GOLGA3: variants seen among roughly 807,000 people sequenced by gnomAD.
GOLGA3 encodes the protein golgin A3.
GOLGA3 carries 75 observed loss-of-function variants against 169.4 expected under a neutral mutation model. The ratio of observed to expected loss-of-function variants is 0.44; its 90% confidence interval spans 0.37 to 0.54. GOLGA3 has a LOEUF of 0.54. GOLGA3 is among the 20% of genes least tolerant of loss of function. The pLI is 0.00. For synonymous variants in GOLGA3, 824 were observed against 822.4 expected (o/e 1.00, Z -0.03); for missense variants, 1,899 against 1,930.0 (o/e 0.98, Z 0.30).
chr12:132,801,891 C>G lies in GOLGA3; in HGVS notation c.1676G>C (p.Ser559Thr). ...CTCCGCCTGCGACGCCTTCAGCTTG[C>G]TGGTCAGCGTCGTCCGCTCCAGCTG... ...QVQLERTTLTSKLKASQAEIS... is the reference protein window; with the variant it reads ...QVQLERTTLTTKLKASQAEIS... The change falls in exon 8 of 24, where the codon AGC (serine) becomes ACC (threonine). Residue 559 changes from serine (S) to threonine (T), a missense_variant. Coordinates refer to ENST00000450791, the MANE Select transcript of GOLGA3 (RefSeq NM_001389683.1). 1 of 1,603,690 alleles carries G rather than the reference C, an allele frequency of 6.2e-7. No homozygotes were observed. The highest frequency in any genetic ancestry group is 8.5e-7 in the Non-Finnish European group (1 of 1,179,918).
intron 9 of GOLGA3, among the ~76,000 whole-genome samples, chr12:132,798,125 G>A (rs532702788): frequency 7.7e-6 from 1 of 130,050 alleles, no homozygotes; most frequent in East Asian, 2.6e-4. Flanking sequence ...AAGCCTTAAC[G>A]AGCAGTCACT....
chr12:132,800,809 C>T (rs1949093581), intron 8 of GOLGA3, among the ~76,000 whole-genome samples: 1 of 150,932 alleles, frequency 6.6e-6, no homozygotes, highest in Admixed American at 6.6e-5. Context: ...AAGTACAAAA[C>T]TTAGCCGGGC....
intron 1 of GOLGA3, among the ~76,000 whole-genome samples, chr12:132,822,970 G>A (rs1471459580): frequency 5.3e-5 from 8 of 152,204 alleles, no homozygotes; most frequent in African/African-American, 1.7e-4. Context: ...CCCCCTCTCA[G>A]CTAGTGAGTG....
chr12:132,777,105 C>G lies in GOLGA3; in HGVS notation c.3723-15G>C, dbSNP rs116792326. The G allele has an allele frequency of 1.9e-3, 2,902 of 1,568,418 alleles. 35 individuals are homozygous for G. In the African/African-American group the frequency reaches 0.026, roughly 14 times the overall value. On this transcript the variant is annotated splice_polypyrimidine_tract_variant and intron_variant, in intron 19 of 23. Coordinates refer to ENST00000450791, the MANE Select transcript of GOLGA3 (RefSeq NM_001389683.1). The surrounding 1 kb of genome is among the most constrained non-coding windows in gnomAD (Gnocchi z 4.7). Reference sequence around the variant, plus strand: ...CCTCCCGAATCCTAGCGTAAAAAAACAAGAAAGAAGGGAATCGCCACGCTC... The same window carrying G: ...CCTCCCGAATCCTAGCGTAAAAAAAGAAGAAAGAAGGGAATCGCCACGCTC...
At chr12:132,778,541 G>A (rs956001290) in intron 18 of GOLGA3, among the ~76,000 whole-genome samples, 24 of 148,564 alleles carry the variant, frequency 1.6e-4, no homozygotes, top group African/African-American at 2.7e-4. Context: ...ACTGCACTCC[G>A]GCCTGGGCGA....
At chr12:132,784,905 C>T (rs2045820255) in intron 15 of GOLGA3, among the ~76,000 whole-genome samples, 1 of 152,238 alleles carries the variant, frequency 6.6e-6, no homozygotes, top group South Asian at 2.1e-4. Flanking sequence ...CACATGCTCA[C>T]ACCTCACACA....
Position 132,808,006 on chromosome 12 carries a change from G to A in GOLGA3, c.1063C>T (p.Leu355=). Residue 355 remains leucine, a synonymous_variant, in exon 5 of 24, where the codon CTG becomes TTG. Transcript: ENST00000450791. ...TCCTTAATGGAGGGGAACTGGCCCA[G>A]GGTATCCGCAGGAATCTCCTGGCCG... is the stretch of plus-strand genomic sequence containing the variant. ...VNGQEIPADT[L]GQFPSIKDVL... is the part of the protein sequence containing the mutation. 6.2e-7 allele frequency: 1 copy of A among 1,612,176 alleles called. No individual in the cohort carries two copies. Among genetic ancestry groups the A allele is most frequent in the Non-Finnish European group, 8.5e-7 (1 of 1,179,066 alleles).
At chr12:132,788,961 C>CGCCCCAGAA in intron 13 of GOLGA3, 66 bp downstream of exon 13, 2 of 1,462,270 alleles carry the variant, frequency 1.4e-6, no homozygotes, top group Non-Finnish European at 1.8e-6. Context: ...ACACAGGCCC[C>CGCCCCAGAA]ACCCTCCCGA....
chr12:132,796,830 C>T (rs745739983), intron 9 of GOLGA3, 130 bp from the exon 10 acceptor site: 34 of 926,224 alleles, frequency 3.7e-5, no homozygotes, highest in Non-Finnish European at 4.7e-5. Context: ...TCCTGTCTAC[C>T]GACTGCAGAC....
At chr12:132,808,886 C>G (rs112203975) in intron 4 of GOLGA3, among the ~76,000 whole-genome samples, 1 of 152,150 alleles carries the variant, frequency 6.6e-6, no homozygotes, top group African/African-American at 2.4e-5. Flanking sequence ...TGGGTCTCCC[C>G]CTGTGTGCGG....
At chr12:132,823,176 C>T (rs1185837436) in intron 1 of GOLGA3, among the ~76,000 whole-genome samples, 5 of 152,230 alleles carry the variant, frequency 3.3e-5, no homozygotes, top group African/African-American at 4.8e-5. Flanking sequence ...GGCCCGTTCC[C>T]GTCTTTACCT....
intron 2 of GOLGA3, among the ~76,000 whole-genome samples, chr12:132,819,516 G>A (rs944005564): frequency 6.6e-6 from 1 of 152,080 alleles, no homozygotes; most frequent in African/African-American, 2.4e-5. Flanking sequence ...GCAACAGAGC[G>A]AGACTCCGTC....
At position 132,771,260 on chromosome 12, in the gene GOLGA3, C is replaced by A. The variant is rs972809212; in HGVS notation, c.*1845G>T. 6.6e-6 allele frequency: 1 copy of A among 152,550 alleles called. No homozygotes were observed. The highest frequency in any genetic ancestry group is 2.4e-5 in the African/African-American group (1 of 41,414). The allele number at this position is 152,550 out of a possible 1,614,324, so 9.4% of individuals were successfully genotyped here. On this transcript the variant is annotated 3_prime_UTR_variant, in exon 24 of 24. Coordinates refer to ENST00000450791, the MANE Select transcript of GOLGA3 (RefSeq NM_001389683.1). ...ACAACAGAACACAAATAGCTTAAAA[C>A]ACACCATACTGTTTTCTCCACAAAA...
chr12:132,784,158 C>A lies in GOLGA3; in HGVS notation c.3267+6G>T. ...GCTGCCGCCACAGCAGATGGCCAGG[C>A]CTCACCTCGTCCTCCAGCTCCAGCA... is the stretch of plus-strand genomic sequence containing the variant. On this transcript the variant is annotated splice_donor_region_variant and intron_variant, in intron 16 of 23. Coordinates refer to ENST00000450791, the MANE Select transcript of GOLGA3 (RefSeq NM_001389683.1). 6.2e-7 allele frequency: 1 copy of A among 1,605,930 alleles called. No individual in the cohort carries two copies. The highest frequency in any genetic ancestry group is 1.1e-5 in the South Asian group (1 of 91,086).
At position 132,804,649 on chromosome 12, in the gene GOLGA3, C is replaced by A; in HGVS notation, c.1597+67G>T. 3.0e-6 allele frequency: 4 copies of A among 1,350,688 alleles called. No individual in the cohort carries two copies. Among genetic ancestry groups the A allele is most frequent in the South Asian group, 1.3e-5 (1 of 77,632 alleles). 83.7% of individuals were successfully genotyped at this position (1,350,688 alleles called of 1,614,324 possible). ...GGAGGAGGGCGTGGCGGGGGCCAGT[C>A]GAGGAAGGAGGAGGGAGCAGCAGGG... On this transcript the variant is annotated intron_variant, in intron 7 of 23. Transcript: ENST00000450791. The surrounding 1 kb of genome is among the most constrained non-coding windows in gnomAD (Gnocchi z 4.1).
rs1566087782 is a variant in GOLGA3, at chr12:132,787,650, TCCCCGGAGACCCC to T, written c.2812-876_2812-864del. On this transcript the variant is annotated intron_variant, in intron 13 of 23. Transcript: ENST00000450791. ...CCCTCCCCGGAGACCACGGGACCCC[TCCCCGGAGACCCC>T]GGGACCCCTCCCCGGAGACCCCGGG... Among the ~76,000 whole-genome samples, 71 of 42,348 alleles carry T rather than the reference TCCCCGGAGACCCC, an allele frequency of 1.7e-3. 3 individuals carry two copies. The highest frequency in any genetic ancestry group is 0.024 in the Middle Eastern group (1 of 42). 27.8% of individuals were successfully genotyped at this position (42,348 alleles called of 152,430 possible). A position where few individuals can be genotyped will look rare whatever the true frequency, so the allele number is the denominator to read the frequency against.
chr12:132,792,258 G>A (rs1196650727), intron 11 of GOLGA3, among the ~76,000 whole-genome samples: 1 of 152,212 alleles, frequency 6.6e-6, no homozygotes, highest in African/African-American at 2.4e-5. Context: ...AGGTGGGAGA[G>A]GGGATGAGGC....
intron 15 of GOLGA3, among the ~76,000 whole-genome samples, chr12:132,785,690 G>C (rs2045860998): frequency 6.6e-6 from 1 of 152,210 alleles, no homozygotes; most frequent in African/African-American, 2.4e-5. Flanking sequence ...ACAGGAGATA[G>C]AAACAAACCA....
At chr12:132,822,751 A>C (rs1950268206) in intron 1 of GOLGA3, among the ~76,000 whole-genome samples, 1 of 152,012 alleles carries the variant, frequency 6.6e-6, no homozygotes, top group Admixed American at 6.6e-5. Flanking sequence ...TGAAACCCCC[A>C]CCTCTACTAA....
Sources: gnomAD v4.1 joint callset for allele counts (sites outside exome capture counted in the v4.1 genomes callset) on GRCh38, gnomAD v4.1.1 for gene constraint, Gnocchi (gnomAD v3.1) non-coding constraint, MANE v1.5 for transcripts, NCBI Gene and HGNC (gene_info 2026-07-23, HGNC 2026-07-21) for gene names.